Variants in GLDC observed in about 807,000 individuals in gnomAD.
The protein encoded by GLDC is glycine dehydrogenase (decarboxylating), mitochondrial.
A neutral mutation model predicts 121.3 loss-of-function variants in GLDC; 104 were observed. That is an observed-to-expected ratio of 0.86 (90% CI 0.73 to 1.01). GLDC has a LOEUF of 1.01. GLDC is among the 50% of genes least tolerant of loss of function. The pLI is 0.00. For synonymous variants in GLDC, 546 were observed against 480.6 expected, an observed-to-expected ratio of 1.14 and a Z score of -1.78; for missense variants, 1,429 against 1,306.6, an observed-to-expected ratio of 1.09 and a Z score of -1.44.
chr9:6,598,636 A>T (rs1379353862), intron 8 of GLDC, among the ~76,000 whole-genome samples: 1 of 152,246 alleles, frequency 6.6e-6, no homozygotes, highest in African/African-American at 2.4e-5. Context: ...GGAGACTTGC[A>T]TGCTCACAAA....
Position 6,587,183 on chromosome 9 carries a change from C to G in GLDC, c.1808G>C (p.Cys603Ser). 1 of 1,613,948 alleles carries G rather than the reference C, an allele frequency of 6.2e-7. No individual in the cohort carries two copies. Among genetic ancestry groups the G allele is most frequent in the African/African-American group, 1.3e-5 (1 of 75,040 alleles). The change falls in exon 15 of 25, where the codon TGT becomes TCT. Residue 603 changes from cysteine to serine, a missense_variant. By Grantham distance (112) the Cys-to-Ser change is moderately radical. Coordinates refer to ENST00000321612, the MANE Select transcript of GLDC (RefSeq NM_000170.3). ...GACCTGGTCATAACCTGTGAGTTCA[C>G]ACAAATCCTTCTCAAGCTCTCGGAA... ...QLFRELEKDL[C>S]ELTGYDQVCF...
At chr9:6,565,085 TAGAGAG>T (rs1382411533) in intron 16 of GLDC, among the ~76,000 whole-genome samples, 1 of 152,216 alleles carries the variant, frequency 6.6e-6, no homozygotes, top group Non-Finnish European at 1.5e-5. Flanking sequence ...CTCTGCTCCC[TAGAGAG>T]CAGTTCCACA....
chr9:6,606,565 G>A, intron 5 of GLDC, 27 bp downstream of exon 5: 1 of 1,348,066 alleles, frequency 7.4e-7, no homozygotes, highest in Non-Finnish European at 1.1e-6. Flanking sequence ...ATTATACTGA[G>A]TTTAAAACAC....
intron 2 of GLDC, among the ~76,000 whole-genome samples, chr9:6,633,080 C>G (rs1819422990): frequency 6.6e-6 from 1 of 152,160 alleles, no homozygotes; most frequent in South Asian, 2.1e-4. Flanking sequence ...TCCTGTCTCT[C>G]ATGCAGAGAG....
intron 20 of GLDC, among the ~76,000 whole-genome samples, chr9:6,552,640 C>T (rs1817538774): frequency 6.6e-6 from 1 of 152,102 alleles, no homozygotes; most frequent in Admixed American, 6.5e-5. Context: ...TCAGTGGGAG[C>T]CCGCCTTCCT....
At chr9:6,571,617 A>G (rs1365564826) in intron 15 of GLDC, among the ~76,000 whole-genome samples, 1 of 152,190 alleles carries the variant, frequency 6.6e-6, no homozygotes, top group Non-Finnish European at 1.5e-5. Flanking sequence ...GCATATACAC[A>G]GTGGATATGC....
intron 15 of GLDC, among the ~76,000 whole-genome samples, chr9:6,582,596 G>A (rs1406854897): frequency 2.6e-5 from 4 of 151,958 alleles, no homozygotes; most frequent in African/African-American, 4.8e-5. Flanking sequence ...TTGAGAGGCC[G>A]AGGCGGGTGG....
At chr9:6,549,962 C>T (rs895478986) in intron 21 of GLDC, among the ~76,000 whole-genome samples, 7 of 152,194 alleles carry the variant, frequency 4.6e-5, no homozygotes, top group African/African-American at 2.4e-5. Flanking sequence ...CAAGGCCCCA[C>T]GCTACATTTC....
chr9:6,612,412 A>G, intron 3 of GLDC, among the ~76,000 whole-genome samples: 1 of 152,114 alleles, frequency 6.6e-6, no homozygotes, highest in East Asian at 1.9e-4. Flanking sequence ...AAGCTTTCAA[A>G]AAAGAAAGAA....
At chr9:6,549,033 C>T (rs1817454398) in intron 21 of GLDC, among the ~76,000 whole-genome samples, 1 of 152,204 alleles carries the variant, frequency 6.6e-6, no homozygotes, top group Admixed American at 6.5e-5. Flanking sequence ...GCGTCTGCCT[C>T]ACCATTGTGC....
intron 12 of GLDC, 107 bp downstream of exon 12, chr9:6,589,088 G>T: frequency 2.5e-6 from 2 of 794,904 alleles, no homozygotes; most frequent in Non-Finnish European, 4.6e-6. Flanking sequence ...CCACGGCTGA[G>T]CCAGAATAAC....
intron 15 of GLDC, among the ~76,000 whole-genome samples, chr9:6,586,787 T>A (rs1374624307): frequency 3.3e-5 from 5 of 152,216 alleles, no homozygotes; most frequent in African/African-American, 1.2e-4. Context: ...CTTAGGAGGT[T>A]CGGCCATTAG....
intron 15 of GLDC, chr9:6,585,165 C>A (rs936611407): frequency 6.6e-6 from 1 of 152,170 alleles, no homozygotes; most frequent in African/African-American, 2.4e-5. Flanking sequence ...AGGCTGTAAA[C>A]CACTGCTTTA....
chr9:6,561,268 A>G (rs150155629), intron 16 of GLDC, among the ~76,000 whole-genome samples: 2 of 152,352 alleles, frequency 1.3e-5, no homozygotes, highest in East Asian at 3.9e-4. Context: ...ACTCATTTAT[A>G]TGTTGCTGTC....
chr9:6,571,679 G>C (rs970801452), intron 15 of GLDC, among the ~76,000 whole-genome samples: 1 of 152,050 alleles, frequency 6.6e-6, no homozygotes, highest in Non-Finnish European at 1.5e-5. Flanking sequence ...GATGCTGCAG[G>C]GTTTCATCAC....
At chr9:6,589,153 T>C in intron 12 of GLDC, 42 bp downstream of exon 12, 1 of 1,202,432 alleles carries the variant, frequency 8.3e-7, no homozygotes, top group African/African-American at 1.5e-5. Context: ...CCTAGCTGAT[T>C]ACCAAAGCAC....
chr9:6,615,811 G>A (rs1818957463), intron 3 of GLDC, among the ~76,000 whole-genome samples: 1 of 152,036 alleles, frequency 6.6e-6, no homozygotes, highest in African/African-American at 2.4e-5. Context: ...ATAGGGTTTT[G>A]CCATGTTGGC....
Position 6,642,372 on chromosome 9 carries a change from ATACAAAAAAT to A in GLDC, c.334+2232_334+2241del, listed in dbSNP as rs528533231. On this transcript the variant is annotated intron_variant, in intron 2 of 24. Coordinates refer to ENST00000321612, the MANE Select transcript of GLDC (RefSeq NM_000170.3). ...TGGAGAAACCCCATCTCTACTAAAA[ATACAAAAAAT>A]TAGCCGGGCATGGTGGTGCACGTCT... Among the ~76,000 whole-genome samples, 496 of 152,200 alleles carry A rather than the reference ATACAAAAAAT, an allele frequency of 3.3e-3. 5 individuals carry two copies. The highest frequency in any genetic ancestry group is 0.012 in the African/African-American group (478 of 41,534).
chr9:6,542,808 C>T (rs1276978858), intron 21 of GLDC, among the ~76,000 whole-genome samples: 2 of 148,876 alleles, frequency 1.3e-5, no homozygotes, highest in Non-Finnish European at 3.0e-5. Context: ...ATCATTTGAG[C>T]CCAGGAGGTC....
Sources: gnomAD v4.1 joint callset for allele counts (sites outside exome capture counted in the v4.1 genomes callset) on GRCh38, gnomAD v4.1.1 for gene constraint, MANE v1.5 for transcripts, NCBI Gene and HGNC (gene_info 2026-07-23, HGNC 2026-07-21) for gene names.